CEP72: variants seen among roughly 807,000 people sequenced by gnomAD.
CEP72 encodes the protein centrosomal protein of 72 kDa.
Under a neutral mutation model 65.7 loss-of-function variants are expected in CEP72, and 78 were observed. The ratio of observed to expected loss-of-function variants is 1.19; its 90% confidence interval spans 0.99 to 1.43. The LOEUF is 1.43. Among genes scored for constraint, CEP72 ranks in the 40% most tolerant of loss-of-function variants. The pLI is 0.00. For missense variants in CEP72, 914 were observed against 832.9 expected, an observed-to-expected ratio of 1.10 and a Z score of -1.20; for synonymous variants, 358 against 351.7, an observed-to-expected ratio of 1.02 and a Z score of -0.20.
chr5:640,640 G>A, intron 9 of CEP72, 36 bp downstream of exon 9: 1 of 1,574,408 alleles, frequency 6.4e-7, no homozygotes, highest in Non-Finnish European at 8.6e-7. Flanking sequence ...GTGTCCATGT[G>A]ACTGGGGGAA....
intron 11 of CEP72, among the ~76,000 whole-genome samples, chr5:652,107 G>A (rs947865278): frequency 5.3e-5 from 8 of 152,210 alleles, no homozygotes; most frequent in Non-Finnish European, 8.8e-5. Context: ...GCCCAGTCGT[G>A]GGCAGGGCCA....
At chr5:640,025 G>T (rs776304952) in intron 8 of CEP72, among the ~76,000 whole-genome samples, 2 of 152,196 alleles carry the variant, frequency 1.3e-5, no homozygotes, top group Admixed American at 6.5e-5. Context: ...CGTCGGTGGC[G>T]GGGGGACTGT....
intron 3 of CEP72, among the ~76,000 whole-genome samples, chr5:622,103 T>C (rs1453029497): frequency 1.3e-5 from 2 of 152,224 alleles, no homozygotes; most frequent in Non-Finnish European, 2.9e-5. Context: ...TGCACTGCTT[T>C]GCTACTTGGA....
At chr5:652,045 A>G (rs1039052244) in intron 11 of CEP72, among the ~76,000 whole-genome samples, 3 of 152,150 alleles carry the variant, frequency 2.0e-5, no homozygotes, top group Non-Finnish European at 4.4e-5. Context: ...CTGGGCCAAG[A>G]GGAGATGCAG....
chr5:666,890 GT>G (rs1739938855), exon 5 of CEP72: 1 of 152,232 alleles, frequency 6.6e-6, no homozygotes, highest in East Asian at 1.9e-4. Context: ...CCAAAGTGGG[GT>G]TTTTCAGTGT....
At chr5:664,955 G>T in intron 2 of CEP72, 1 of 873,934 alleles carries the variant, frequency 1.1e-6, no homozygotes, top group Non-Finnish European at 1.7e-6. Context: ...AGGGGCAGGA[G>T]GGAGGCCTGG....
intron 9 of CEP72, chr5:643,055 C>T (rs1193695822): frequency 1.0e-6 from 1 of 984,652 alleles, no homozygotes; most frequent in African/African-American, 1.8e-5. Context: ...GCCTAGACTC[C>T]AAAAAATAAA....
chr5:663,126 CG>C (rs1561077195), intron 1 of CEP72: 1 of 86,304 alleles, frequency 1.2e-5, no homozygotes, highest in Non-Finnish European at 2.4e-5. Flanking sequence ...TGTGATCGGG[CG>C]ATTCCGGTGA....
At chr5:619,889 C>T (rs969580182) in intron 2 of CEP72, among the ~76,000 whole-genome samples, 180 bp from the exon 3 acceptor site, 2 of 152,142 alleles carry the variant, frequency 1.3e-5, no homozygotes, top group Admixed American at 6.5e-5. Flanking sequence ...CGTCTCACCG[C>T]GTGGGGCCCA....
chr5:672,975 G>A, the CEP72 span, among the ~76,000 whole-genome samples: 1 of 152,338 alleles, frequency 6.6e-6, no homozygotes, highest in East Asian at 1.9e-4. Context: ...CGCCACGCCG[G>A]TGGAGCCATG....
intron 9 of CEP72, chr5:642,419 A>T: frequency 1.0e-6 from 1 of 985,464 alleles, no homozygotes; most frequent in Non-Finnish European, 1.2e-6. Context: ...ACTGAAACAC[A>T]CGTGACCGGC....
At chr5:673,809 A>T in the CEP72 span, among the ~76,000 whole-genome samples, 1 of 152,158 alleles carries the variant, frequency 6.6e-6, no homozygotes, top group Non-Finnish European at 1.5e-5. Flanking sequence ...ACAGGCCCAG[A>T]CCAGCTGGGG....
downstream of CEP72, among the ~76,000 whole-genome samples, chr5:654,637 A>G (rs2126837181): frequency 6.6e-6 from 1 of 152,322 alleles, no homozygotes; most frequent in South Asian, 2.1e-4. Flanking sequence ...TAGGGTTGGG[A>G]TGGGGTTAAT....
chr5:661,969 C>T (rs934509120), downstream of CEP72: 80 of 152,314 alleles, frequency 5.3e-4, no homozygotes, highest in Non-Finnish European at 1.0e-3. Flanking sequence ...AGAGTGGGGG[C>T]GTGGGGCCTC....
chr5:642,417 A>G (rs1709547), intron 9 of CEP72: 215,011 of 985,388 alleles, frequency 0.22, 24,982 homozygotes, highest in East Asian at 0.43. Context: ...ATACTGAAAC[A>G]CACGTGACCG....
At position 620,407 on chromosome 5, in the gene CEP72, T is replaced by C. The variant is rs1013925165; in HGVS notation, c.403+146T>C. ...TGGTTTTCTACGCTGGTGGCTTGAG[T>C]TCCTGCAGACACACAGCTCGAGAGG... On this transcript the variant is annotated intron_variant, in intron 3 of 11. Transcript: ENST00000264935. 51 of 696,928 alleles carry C rather than the reference T, an allele frequency of 7.3e-5. 1 individual carries two copies. In the East Asian group the frequency reaches 1.2e-3, roughly 17 times the overall value. The allele number at this position is 696,928 out of a possible 1,614,324, so 43.2% of individuals were successfully genotyped here. A position where few individuals can be genotyped will look rare whatever the true frequency, so the allele number is the denominator to read the frequency against.
chr5:633,039 G>A (rs879220537), intron 4 of CEP72, among the ~76,000 whole-genome samples: 6 of 55,330 alleles, frequency 1.1e-4, no homozygotes, highest in Admixed American at 1.7e-4. Context: ...GTCCAGTGCC[G>A]GGATTTAGAC....
chr5:624,720 C>T lies in CEP72; in HGVS notation c.512+141C>T, dbSNP rs1418493570. 6.0e-6 allele frequency: 4 copies of T among 671,598 alleles called. No homozygotes were observed. The highest frequency in any genetic ancestry group is 3.4e-5 in the South Asian group (2 of 59,286). The allele number at this position is 671,598 out of a possible 1,614,324, so 41.6% of individuals were successfully genotyped here. On this transcript the variant is annotated intron_variant, in intron 4 of 11. Coordinates refer to ENST00000264935, the MANE Select transcript of CEP72 (RefSeq NM_018140.4). This position sits in a 1 kb window ranked among gnomAD's most constrained non-coding sequence, Gnocchi z 4.7. ...GGGAGGAAGGGCAGAGCCTGCCTGG[C>T]GGGGACTCCGTGGACAGTGGGACGG...
chr5:627,891 G>A (rs977590693), intron 4 of CEP72, among the ~76,000 whole-genome samples: 4 of 152,174 alleles, frequency 2.6e-5, no homozygotes, highest in Non-Finnish European at 4.4e-5. Context: ...GAAAAGAAAG[G>A]GAGTAAAAGT....
Sources: gnomAD v4.1 joint callset for allele counts (sites outside exome capture counted in the v4.1 genomes callset) on GRCh38, gnomAD v4.1.1 for gene constraint, Gnocchi (gnomAD v3.1) non-coding constraint, MANE v1.5 for transcripts, NCBI Gene and HGNC (gene_info 2026-07-23, HGNC 2026-07-21) for gene names.